PDXDC1: variants seen among roughly 807,000 people sequenced by gnomAD.
The protein encoded by PDXDC1 is pyridoxal-dependent decarboxylase domain-containing protein 1.
Under a neutral mutation model 100.1 loss-of-function variants are expected in PDXDC1, and 42 were observed. The observed-to-expected ratio is 0.42, with a 90% CI of 0.33 to 0.54. The LOEUF is 0.54. Among genes scored for constraint, PDXDC1 ranks in the 20% least tolerant of loss-of-function variants. PDXDC1 has a pLI of 0.10. For synonymous variants in PDXDC1, 260 were observed against 371.7 expected (o/e 0.70, Z 3.46); for missense variants, 636 against 979.2 (o/e 0.65, Z 4.68).
At chr16:15,091,383 G>A (rs1455249254) in intron 16 of PDXDC1, 1 of 1,570,988 alleles carries the variant, frequency 6.4e-7, no homozygotes. Flanking sequence ...TTAACAAGAA[G>A]GGGAAAGAAT....
chr16:15,094,539 G>C, intron 16 of PDXDC1: 1 of 474,230 alleles, frequency 2.1e-6, no homozygotes. Flanking sequence ...AGCTGTGGCC[G>C]GGTACACTCA....
intron 16 of PDXDC1, among the ~76,000 whole-genome samples, chr16:15,050,456 G>C (rs922269167): frequency 6.6e-6 from 1 of 152,148 alleles, no homozygotes; most frequent in Admixed American, 6.5e-5. Context: ...AGAGCAGCTG[G>C]GTGTGATGGC....
intron 16 of PDXDC1, among the ~76,000 whole-genome samples, chr16:15,078,779 ACTCTTCCAACTGC>A (rs1347920275): frequency 2.8e-5 from 4 of 141,850 alleles, no homozygotes; most frequent in Non-Finnish European, 6.1e-5. Context: ...AGATGGAACT[ACTCTTCCAACTGC>A]CTCCTCTTCG....
At position 15,037,967 on chromosome 16, in the gene PDXDC1, T is replaced by A; in HGVS notation, c.*1692T>A. 8.1e-7 allele frequency: 1 copy of A among 1,229,218 alleles called. No homozygotes were observed. The highest frequency in any genetic ancestry group is 1.2e-6 in the Non-Finnish European group (1 of 851,480). The allele number at this position is 1,229,218 out of a possible 1,614,324, so 76.1% of individuals were successfully genotyped here. A position where few individuals can be genotyped will look rare whatever the true frequency, so the allele number is the denominator to read the frequency against. On this transcript the variant is annotated 3_prime_UTR_variant, in exon 23 of 23. Coordinates refer to ENST00000396410, the MANE Select transcript of PDXDC1 (RefSeq NM_015027.4). Reference sequence around the variant, plus strand: ...ACAGATGTAGGATCCAGATCTGGATTCGTGCCAGCCCCACCAATGGTCTGT... The same window carrying A: ...ACAGATGTAGGATCCAGATCTGGATACGTGCCAGCCCCACCAATGGTCTGT...
intron 1 of PDXDC1, among the ~76,000 whole-genome samples, chr16:14,990,993 C>T (rs1367792098): frequency 2.0e-5 from 3 of 152,286 alleles, no homozygotes; most frequent in South Asian, 2.1e-4. Flanking sequence ...CCGTCAACCT[C>T]GGCCTCCCAA....
intron 16 of PDXDC1, chr16:15,106,263 G>C (rs1279103321): frequency 1.9e-6 from 2 of 1,040,890 alleles, no homozygotes; most frequent in South Asian, 1.5e-5. Flanking sequence ...TCCTTACTTT[G>C]CATCTGTAGT....
At chr16:15,055,349 G>A (rs547876285) in intron 16 of PDXDC1, among the ~76,000 whole-genome samples, 2 of 152,166 alleles carry the variant, frequency 1.3e-5, no homozygotes, top group East Asian at 1.9e-4. Flanking sequence ...TCTCTCTCCC[G>A]GCTAAAAATA....
intron 16 of PDXDC1, chr16:15,104,311 A>G: frequency 2.7e-6 from 4 of 1,504,648 alleles, no homozygotes; most frequent in Non-Finnish European, 2.7e-6. Context: ...GGACTGCAGT[A>G]TTCATTTTAT....
At chr16:15,122,780 G>C (rs975731288) in intron 16 of PDXDC1, among the ~76,000 whole-genome samples, 1 of 141,396 alleles carries the variant, frequency 7.1e-6, no homozygotes, top group African/African-American at 2.6e-5. Flanking sequence ...TAGGGCAGGG[G>C]GGAGGGAAGG....
At chr16:15,057,998 C>T (rs1195189481) in intron 16 of PDXDC1, among the ~76,000 whole-genome samples, 1 of 152,192 alleles carries the variant, frequency 6.6e-6, no homozygotes, top group Non-Finnish European at 1.5e-5. Context: ...AAATTTTGGT[C>T]TACAGGCAAT....
chr16:14,987,941 C>T (rs1969775792), intron 1 of PDXDC1, among the ~76,000 whole-genome samples: 2 of 151,592 alleles, frequency 1.3e-5, no homozygotes, highest in African/African-American at 4.8e-5. Context: ...CATTATCAAA[C>T]ATTTTCCTAT....
intron 16 of PDXDC1, chr16:15,068,032 A>C (rs2045050481): frequency 1.4e-6 from 1 of 735,916 alleles, no homozygotes; most frequent in African/African-American, 1.8e-5. Context: ...AAATGTTGAG[A>C]TTACAGGTGT....
intron 8 of PDXDC1, chr16:15,010,377 G>C (rs1299507504): frequency 1.3e-5 from 2 of 155,558 alleles, no homozygotes; most frequent in Admixed American, 1.3e-4. Flanking sequence ...TTTAAGCCAG[G>C]TGTGGTGGCA....
rs1392607870 is a variant in PDXDC1, at chr16:14,980,540, C to T, written c.21+5320C>T. Reference sequence around the variant, plus strand: ...TCGCCCTGTGGCCTAGGCTGGAGTGCAGTGGCACAGTCTCGGCTCACTGCA... The same window carrying T: ...TCGCCCTGTGGCCTAGGCTGGAGTGTAGTGGCACAGTCTCGGCTCACTGCA... On this transcript the variant is annotated intron_variant, in intron 1 of 22. Transcript: ENST00000396410. Among the ~76,000 whole-genome samples, 4 of 152,280 alleles carry T rather than the reference C, an allele frequency of 2.6e-5. No homozygotes were observed. In the East Asian group the frequency reaches 7.7e-4, roughly 29 times the overall value.
intron 16 of PDXDC1, chr16:15,063,161 A>AT: frequency 7.1e-7 from 1 of 1,409,180 alleles, no homozygotes; most frequent in East Asian, 2.3e-5. Flanking sequence ...CAGAAAGGAG[A>AT]TTCCGAGAGT....
chr16:15,128,170 G>A (rs758874082), intron 16 of PDXDC1: 83 of 1,609,676 alleles, frequency 5.2e-5, no homozygotes, highest in Non-Finnish European at 5.9e-5. Flanking sequence ...AGGCTCGCAG[G>A]GCGCCCCAAC....
chr16:15,020,835 T>C (rs2042141210), intron 12 of PDXDC1, among the ~76,000 whole-genome samples: 1 of 152,116 alleles, frequency 6.6e-6, no homozygotes, highest in Non-Finnish European at 1.5e-5. Context: ...TATACAAAAA[T>C]TAGCCAGGTA....
At chr16:15,066,636 TAA>T (rs67409412) in intron 16 of PDXDC1, among the ~76,000 whole-genome samples, 41 of 105,370 alleles carry the variant, frequency 3.9e-4, no homozygotes, top group Non-Finnish European at 3.8e-4. Flanking sequence ...TTGTCTCAAA[TAA>T]AAAAAAAAAA....
At chr16:14,978,486 C>G (rs2151136127) in intron 1 of PDXDC1, among the ~76,000 whole-genome samples, 2 of 152,418 alleles carry the variant, frequency 1.3e-5, no homozygotes, top group African/African-American at 4.8e-5. Context: ...GTCTCCAGGG[C>G]TCAAGTGATC....
Sources: gnomAD v4.1 joint callset for allele counts (sites outside exome capture counted in the v4.1 genomes callset) on GRCh38, gnomAD v4.1.1 for gene constraint, MANE v1.5 for transcripts, NCBI Gene and HGNC (gene_info 2026-07-23, HGNC 2026-07-21) for gene names.